Variants in SLC39A7 observed in about 807,000 individuals in gnomAD.
The protein encoded by SLC39A7 is solute carrier family 39 member 7, also known as zinc transporter SLC39A7.
A neutral mutation model predicts 39.7 loss-of-function variants in SLC39A7; 25 were observed. The ratio of observed to expected loss-of-function variants is 0.63; its 90% confidence interval spans 0.46 to 0.88. The LOEUF is 0.88. Among genes scored for constraint, SLC39A7 ranks in the 40% least tolerant of loss-of-function variants. The pLI is 0.00. For synonymous variants in SLC39A7, 181 were observed against 234.1 expected (o/e 0.77, Z 2.07); for missense variants, 501 against 592.1 (o/e 0.85, Z 1.60).
chr6:33,203,448 A>G, intron 6 of SLC39A7, 93 bp from the exon 7 acceptor site: 3 of 1,281,994 alleles, frequency 2.3e-6, no homozygotes, highest in Non-Finnish European at 3.3e-6. Flanking sequence ...TTCCAAATCC[A>G]TGTCCCCTAT....
chr6:33,202,068 C>G lies in SLC39A7; in HGVS notation c.581-4C>G, dbSNP rs1373815806. On this transcript the variant is annotated splice_polypyrimidine_tract_variant and splice_region_variant and intron_variant, in intron 2 of 6. Transcript: ENST00000374677. Reference sequence around the variant, plus strand: ...CCTCATCTGGTTTTCCCCCCTTCTTCCAGAACCTCATTCTCACCACACTCT... The same window carrying G: ...CCTCATCTGGTTTTCCCCCCTTCTTGCAGAACCTCATTCTCACCACACTCT... The G allele has an allele frequency of 2.5e-6, 4 of 1,612,802 alleles. No homozygotes were observed. The highest frequency in any genetic ancestry group is 8.5e-7 in the Non-Finnish European group (1 of 1,179,950).
chr6:33,204,010 G>C lies in SLC39A7; in HGVS notation c.*197G>C. 1 of 616,364 alleles carries C rather than the reference G, an allele frequency of 1.6e-6. No homozygotes were observed. Among genetic ancestry groups the C allele is most frequent in the Non-Finnish European group, 2.9e-6 (1 of 349,076 alleles). 38.2% of individuals were successfully genotyped at this position (616,364 alleles called of 1,614,324 possible). A position where few individuals can be genotyped will look rare whatever the true frequency, so the allele number is the denominator to read the frequency against. ...GAGCGGTGAGAATGAGAGGCCAGAG[G>C]GACCATAGTGTTGGGCACTGTCTGA... On this transcript the variant is annotated 3_prime_UTR_variant, in exon 7 of 7. Coordinates refer to ENST00000374677, the MANE Select transcript of SLC39A7 (RefSeq NM_006979.3).
In SLC39A7 at chr6:33,204,331, A is replaced by G; in HGVS notation, c.*518A>G. The stretch of plus-strand genomic sequence containing the variant: ...ATGGGGTGGGAGAGGGTTAGTTGGT[A>G]TTCTCATGGCCTGATTTTTTTTGTT... On this transcript the variant is annotated 3_prime_UTR_variant, in exon 7 of 7. Transcript: ENST00000374677. 6.0e-5 allele frequency: 25 copies of G among 417,712 alleles called. No homozygotes were observed. The highest frequency in any genetic ancestry group is 2.1e-4 in the East Asian group (4 of 18,666). The allele number at this position is 417,712 out of a possible 1,614,324, so 25.9% of individuals were successfully genotyped here.
chr6:33,201,509 A>G lies in SLC39A7; in HGVS notation c.264A>G (p.Leu88=), dbSNP rs762589510. The G allele has an allele frequency of 1.2e-6, 2 of 1,614,124 alleles. No individual in the cohort carries two copies. The highest frequency in any genetic ancestry group is 2.2e-5 in the East Asian group (1 of 44,876). Residue 88 remains leucine, a synonymous_variant, in exon 1 of 7, where the codon TTA becomes TTG. Coordinates refer to ENST00000374677, the MANE Select transcript of SLC39A7 (RefSeq NM_006979.3). This position sits in a 1 kb window ranked among gnomAD's most constrained non-coding sequence, Gnocchi z 5.9. Reference sequence around the variant, plus strand: ...ACCATGGACATTCACATGAGGATTTACACCATGGCCATAGCCATGGCTACT... The same window carrying G: ...ACCATGGACATTCACATGAGGATTTGCACCATGGCCATAGCCATGGCTACT... ...DHDHGHSHED[L]HHGHSHGYSH...
chr6:33,201,083 GATAAAGAGA>G lies in SLC39A7; in HGVS notation c.-161_-153del. 1.2e-6 allele frequency: 1 copy of G among 827,444 alleles called. No individual in the cohort carries two copies. Among genetic ancestry groups the G allele is most frequent in the Non-Finnish European group, 2.0e-6 (1 of 496,182 alleles). 51.3% of individuals were successfully genotyped at this position (827,444 alleles called of 1,614,324 possible). A position where few individuals can be genotyped will look rare whatever the true frequency, so the allele number is the denominator to read the frequency against. On this transcript the variant is annotated 5_prime_UTR_variant, in exon 1 of 7. Transcript: ENST00000374677. The surrounding 1 kb of genome is among the most constrained non-coding windows in gnomAD (Gnocchi z 5.9). ...GCCCTACATCCGGGAGGTGGTTCGGGATAAAGAGAACTAGTCTTGGGAACAATGTAGGTG... is the reference window on the plus strand; with the variant it reads ...GCCCTACATCCGGGAGGTGGTTCGGGACTAGTCTTGGGAACAATGTAGGTG...
chr6:33,200,898 C>T lies in SLC39A7; in HGVS notation c.-348C>T, dbSNP rs969272434. 1.6e-6 allele frequency: 2 copies of T among 1,279,702 alleles called. No homozygotes were observed. The highest frequency in any genetic ancestry group is 2.2e-6 in the Non-Finnish European group (2 of 911,102). 79.3% of individuals were successfully genotyped at this position (1,279,702 alleles called of 1,614,324 possible). A position where few individuals can be genotyped will look rare whatever the true frequency, so the allele number is the denominator to read the frequency against. On this transcript the variant is annotated 5_prime_UTR_variant, in exon 1 of 7. Transcript: ENST00000374677. The surrounding 1 kb of genome is among the most constrained non-coding windows in gnomAD (Gnocchi z 6.3). ...TCGCGGGATCTAAAGGCGGGACTGC[C>T]ACGTCCAAGCAAACCGGGAAAGGAG... is the stretch of plus-strand genomic sequence containing the variant.
In SLC39A7 at chr6:33,201,470, T is replaced by C; in HGVS notation, c.225T>C (p.His75=). The C allele has an allele frequency of 6.2e-7, 1 of 1,613,988 alleles. No individual in the cohort carries two copies. The highest frequency in any genetic ancestry group is 8.5e-7 in the Non-Finnish European group (1 of 1,179,956). ...CTCACGAGAGCATCTGGCATGGACA[T>C]ACCCACGATCACGACCATGGACATT... The part of the protein sequence containing the change: ...GHTHESIWHG[H]THDHDHGHSH... Residue 75 remains histidine, a synonymous_variant, in exon 1 of 7, where the codon CAT becomes CAC. Transcript: ENST00000374677. The surrounding 1 kb of genome is among the most constrained non-coding windows in gnomAD (Gnocchi z 5.9).
chr6:33,201,745 G>A lies in SLC39A7; in HGVS notation c.412G>A (p.Ala138Thr). ...DLDAVTLWAYALGATVLISAA... is the reference protein window; with the variant it reads ...DLDAVTLWAYTLGATVLISAA... ...CTTGACCTTGACTCTCCCTCACCAGGCACTGGGGGCCACAGTGCTGATCTC... is the reference window on the plus strand; with the variant it reads ...CTTGACCTTGACTCTCCCTCACCAGACACTGGGGGCCACAGTGCTGATCTC... The change falls in exon 2 of 7, where the codon GCA becomes ACA. Residue 138 changes from alanine (A) to threonine (T), a missense_variant and splice_region_variant. Ala to Thr is a moderately conservative substitution (Grantham distance 58). Transcript: ENST00000374677. This position sits in a 1 kb window ranked among gnomAD's most constrained non-coding sequence, Gnocchi z 5.9. 1.2e-6 allele frequency: 2 copies of A among 1,614,036 alleles called. No individual in the cohort carries two copies. The highest frequency in any genetic ancestry group is 1.7e-6 in the Non-Finnish European group (2 of 1,180,016).
At chr6:33,202,158 G>C in intron 3 of SLC39A7, 33 bp downstream of exon 3, 1 of 1,610,800 alleles carries the variant, frequency 6.2e-7, no homozygotes, top group Non-Finnish European at 8.5e-7. Flanking sequence ...TGGGAGTTGG[G>C]GTGCTGGGGA....
rs1774548920 is a variant in SLC39A7, at chr6:33,201,431, T to C, written c.186T>C (p.His62=). 6.2e-7 allele frequency: 1 copy of C among 1,613,394 alleles called. No homozygotes were observed. Among genetic ancestry groups the C allele is most frequent in the African/African-American group, 1.3e-5 (1 of 74,874 alleles). Residue 62 remains histidine (H), a synonymous_variant, in exon 1 of 7, where the codon CAT becomes CAC. Transcript: ENST00000374677. The surrounding 1 kb of genome is among the most constrained non-coding windows in gnomAD (Gnocchi z 5.9). ...EDFHHGHSHA[H]GHGHTHESIW... is the part of the protein sequence containing the mutation. ...TCCACCATGGCCACAGCCATGCCCA[T>C]GGCCATGGCCACACTCACGAGAGCA...
chr6:33,201,015 C>T lies in SLC39A7; in HGVS notation c.-231C>T. The T allele has an allele frequency of 1.3e-6, 1 of 768,210 alleles. No individual in the cohort carries two copies. The highest frequency in any genetic ancestry group is 2.3e-6 in the Non-Finnish European group (1 of 434,262). 47.6% of individuals were successfully genotyped at this position (768,210 alleles called of 1,614,324 possible). On this transcript the variant is annotated 5_prime_UTR_variant, in exon 1 of 7. Coordinates refer to ENST00000374677, the MANE Select transcript of SLC39A7 (RefSeq NM_006979.3). This position sits in a 1 kb window ranked among gnomAD's most constrained non-coding sequence, Gnocchi z 5.9. ...CTAATGAGTCGTAGAGACGAGGGCC[C>T]AGAGAGTCTGTAAAGTGGCTGGTGA...
In SLC39A7 at chr6:33,201,687, G is replaced by A; in HGVS notation, c.411+31G>A. On this transcript the variant is annotated intron_variant, in intron 1 of 6. Coordinates refer to ENST00000374677, the MANE Select transcript of SLC39A7 (RefSeq NM_006979.3). This position sits in a 1 kb window ranked among gnomAD's most constrained non-coding sequence, Gnocchi z 5.9. ...TCTCCAGGGGATGGGAGAGAGAAGG[G>A]CTGGTTCTGGATTGTTGGGAAACTC... is the stretch of plus-strand genomic sequence containing the variant. The A allele has an allele frequency of 4.3e-6, 7 of 1,611,112 alleles. No homozygotes were observed. Among genetic ancestry groups the A allele is most frequent in the Non-Finnish European group, 5.9e-6 (7 of 1,177,834 alleles).
Position 33,204,401 on chromosome 6 carries a change from G to A in SLC39A7, c.*588G>A. On this transcript the variant is annotated 3_prime_UTR_variant, in exon 7 of 7. Coordinates refer to ENST00000374677, the MANE Select transcript of SLC39A7 (RefSeq NM_006979.3). Reference sequence around the variant, plus strand: ...TGTGTTTGAATCGAGGGGGAGGGGTGGTAACCGGAAATAAAGACCTCCGAT... The same window carrying A: ...TGTGTTTGAATCGAGGGGGAGGGGTAGTAACCGGAAATAAAGACCTCCGAT... 1.7e-6 allele frequency: 1 copy of A among 596,830 alleles called. No individual in the cohort carries two copies. The highest frequency in any genetic ancestry group is 3.0e-6 in the Non-Finnish European group (1 of 334,482). The allele number at this position is 596,830 out of a possible 1,614,324, so 37.0% of individuals were successfully genotyped here.
In SLC39A7 at chr6:33,200,904, C is replaced by A; in HGVS notation, c.-342C>A. 8.0e-7 allele frequency: 1 copy of A among 1,255,366 alleles called. No homozygotes were observed. Among genetic ancestry groups the A allele is most frequent in the South Asian group, 1.3e-5 (1 of 77,776 alleles). 77.8% of individuals were successfully genotyped at this position (1,255,366 alleles called of 1,614,324 possible). A position where few individuals can be genotyped will look rare whatever the true frequency, so the allele number is the denominator to read the frequency against. On this transcript the variant is annotated 5_prime_UTR_variant, in exon 1 of 7. Coordinates refer to ENST00000374677, the MANE Select transcript of SLC39A7 (RefSeq NM_006979.3). This position sits in a 1 kb window ranked among gnomAD's most constrained non-coding sequence, Gnocchi z 6.3. ...GATCTAAAGGCGGGACTGCCACGTCCAAGCAAACCGGGAAAGGAGAGGATC... is the reference window on the plus strand; with the variant it reads ...GATCTAAAGGCGGGACTGCCACGTCAAAGCAAACCGGGAAAGGAGAGGATC...
chr6:33,203,105 A>G lies in SLC39A7; in HGVS notation c.1136A>G (p.Gln379Arg), dbSNP rs774824342. 2 of 1,583,226 alleles carry G rather than the reference A, an allele frequency of 1.3e-6. No homozygotes were observed. Among genetic ancestry groups the G allele is most frequent in the Middle Eastern group, 1.7e-4 (1 of 5,910 alleles). Residue 379 changes from glutamine to arginine, a missense_variant and splice_region_variant, in exon 6 of 7, where the codon CAG (glutamine) becomes CGG (arginine). Physicochemically the swap from Gln to Arg is conservative, Grantham distance 43. Transcript: ENST00000374677. Reference sequence around the variant, plus strand: ...GTCCAGTCTGGCTGCAGCAAAAAGCAGGTTGGTGATGTCTGCCAAACACAG... The same window carrying G: ...GTCCAGTCTGGCTGCAGCAAAAAGCGGGTTGGTGATGTCTGCCAAACACAG... ...ILVQSGCSKK[Q>R]AMRLQLLTAV...
rs763211733 is a variant in SLC39A7, at chr6:33,202,444, C to G, written c.799+17C>G. On this transcript the variant is annotated intron_variant, in intron 4 of 6. Coordinates refer to ENST00000374677, the MANE Select transcript of SLC39A7 (RefSeq NM_006979.3). Reference sequence around the variant, plus strand: ...GAAGACAAGGTGAGCCCAGGAACAACTTTCCTGAAAGCTGACTTGCCTGCC... The same window carrying G: ...GAAGACAAGGTGAGCCCAGGAACAAGTTTCCTGAAAGCTGACTTGCCTGCC... The G allele has an allele frequency of 4.3e-6, 7 of 1,610,730 alleles. No homozygotes were observed. Among genetic ancestry groups the G allele is most frequent in the Non-Finnish European group, 5.9e-6 (7 of 1,178,312 alleles).
rs768868542 is a variant in SLC39A7 at position 33,201,282 on chromosome 6, G to A, written c.37G>A (p.Val13Met). Residue 13 changes from valine to methionine, a missense_variant, in exon 1 of 7, where the codon GTG becomes ATG. Coordinates refer to ENST00000374677, the MANE Select transcript of SLC39A7 (RefSeq NM_006979.3). This position sits in a 1 kb window ranked among gnomAD's most constrained non-coding sequence, Gnocchi z 5.9. ...RGLGAPHWVA[V>M]GLLTWATLGL... The stretch of plus-strand genomic sequence containing the variant: ...CCTGGGGGCCCCCCACTGGGTGGCC[G>A]TGGGACTGCTGACCTGGGCGACCTT... The A allele has an allele frequency of 6.2e-7, 1 of 1,613,954 alleles. No homozygotes were observed. Among genetic ancestry groups the A allele is most frequent in the Non-Finnish European group, 8.5e-7 (1 of 1,179,968 alleles).
chr6:33,201,616 G>A lies in SLC39A7; in HGVS notation c.371G>A (p.Gly124Asp). Residue 124 changes from glycine (G) to aspartate (D), a missense_variant, in exon 1 of 7, where the codon GGC becomes GAC. Physicochemically the swap from Gly to Asp is moderately conservative, Grantham distance 94. Transcript: ENST00000374677. This position sits in a 1 kb window ranked among gnomAD's most constrained non-coding sequence, Gnocchi z 5.9. ...HGGYGESGAP[G>D]IKQDLDAVTL... ...GGCTATGGGGAGTCTGGGGCTCCAG[G>A]CATCAAGCAGGACCTGGATGCTGTC... is the stretch of plus-strand genomic sequence containing the variant. 1.2e-6 allele frequency: 2 copies of A among 1,612,096 alleles called. No homozygotes were observed. Among genetic ancestry groups the A allele is most frequent in the South Asian group, 1.1e-5 (1 of 91,056 alleles).
rs1344428029 is a variant in SLC39A7, at chr6:33,202,056, T to C, written c.581-16T>C. On this transcript the variant is annotated splice_polypyrimidine_tract_variant and intron_variant, in intron 2 of 6. Transcript: ENST00000374677. ...TGTCAGATATTCCCTCATCTGGTTT[T>C]CCCCCCTTCTTCCAGAACCTCATTC... is the stretch of plus-strand genomic sequence containing the variant. 16 of 1,612,370 alleles carry C rather than the reference T, an allele frequency of 9.9e-6. No individual in the cohort carries two copies. The highest frequency in any genetic ancestry group is 1.4e-5 in the Non-Finnish European group (16 of 1,179,652).
Sources: allele counts gnomAD v4.1 joint callset, GRCh38; gene constraint gnomAD v4.1.1; non-coding constraint Gnocchi (gnomAD v3.1); transcripts MANE v1.5; gene names NCBI Gene and HGNC (gene_info 2026-07-23, HGNC 2026-07-21).